Variants in AXL observed in about 807,000 individuals in gnomAD.
The protein encoded by AXL is tyrosine-protein kinase receptor UFO.
Under a neutral mutation model 104.5 loss-of-function variants are expected in AXL, and 52 were observed. That is an observed-to-expected ratio of 0.50 (90% CI 0.40 to 0.63). The LOEUF (loss-of-function observed/expected upper bound fraction) is 0.63. Among genes scored for constraint, AXL ranks in the 20% least tolerant of loss-of-function variants. The probability of loss-of-function intolerance (pLI) is 0.00; values close to 1 mark genes in which losing one functional copy is unlikely to be tolerated. For missense variants in AXL, 1,024 were observed against 1,188.5 expected, an observed-to-expected ratio of 0.86 and a Z score of 2.04; for synonymous variants, 455 against 473.7, an observed-to-expected ratio of 0.96 and a Z score of 0.51.
chr19:41,259,836 A>G lies in AXL; in HGVS notation c.2617A>G (p.Thr873Ala). 6.2e-7 allele frequency: 1 copy of G among 1,612,592 alleles called. No individual in the cohort carries two copies. Among genetic ancestry groups the G allele is most frequent in the South Asian group, 1.1e-5 (1 of 90,932 alleles). Residue 873 changes from threonine to alanine, a missense_variant, in exon 20 of 20, where the codon ACC (threonine) becomes GCC (alanine). Thr to Ala is a moderately conservative substitution (Grantham distance 58). Around this residue, in one of 5 missense-constraint regions of AXL, gnomAD observed 523 missense variants for 636.0 expected, o/e 0.82. Coordinates refer to ENST00000301178, the MANE Select transcript of AXL (RefSeq NM_021913.5). Reference protein sequence around the residue: ...AGRYVLCPSTTPSPAQPADRG... With the variant: ...AGRYVLCPSTAPSPAQPADRG... ...ACGCTATGTCCTCTGCCCTTCCACA[A>G]CCCCTAGCCCCGCTCAGCCTGCTGA...
At chr19:41,257,698 C>T in intron 19 of AXL, 69 bp downstream of exon 19, 2 of 1,590,412 alleles carry the variant, frequency 1.3e-6, no homozygotes, top group Non-Finnish European at 1.7e-6. Flanking sequence ...AGATGGCCCT[C>T]ACAGGTCCAG....
chr19:41,259,845 C>A lies in AXL; in HGVS notation c.2626C>A (p.Pro876Thr), dbSNP rs200112365. ...CCTCTGCCCTTCCACAACCCCTAGC[C>A]CCGCTCAGCCTGCTGATAGGGGCTC... ...YVLCPSTTPS[P>T]AQPADRGSPA... Residue 876 changes from proline (P) to threonine (T), a missense_variant, in exon 20 of 20, where the codon CCC becomes ACC. By Grantham distance (38) the Pro-to-Thr change is conservative. Coordinates refer to ENST00000301178, the MANE Select transcript of AXL (RefSeq NM_021913.5). 6.2e-7 allele frequency: 1 copy of A among 1,610,952 alleles called. No homozygotes were observed. Among genetic ancestry groups the A allele is most frequent in the African/African-American group, 1.3e-5 (1 of 74,984 alleles).
rs1245638131 is a variant in AXL at position 41,257,554 on chromosome 19, T to G, written c.2258T>G (p.Val753Gly). Residue 753 changes from valine (V) to glycine (G), a missense_variant, in exon 19 of 20, where the codon GTG becomes GGG. By Grantham distance (109) the Val-to-Gly change is moderately radical. Around this residue, in one of 5 missense-constraint regions of AXL, gnomAD observed 523 missense variants for 636.0 expected, o/e 0.82. Transcript: ENST00000301178. The stretch of plus-strand genomic sequence containing the variant: ...AGAGGCCAAACCCCATATCCGGGCG[T>G]GGAGAACAGCGAGATTTATGACTAT... ...ATRGQTPYPG[V>G]ENSEIYDYLR... is the part of the protein sequence containing the mutation. 6.2e-7 allele frequency: 1 copy of G among 1,614,122 alleles called. No individual in the cohort carries two copies. Among genetic ancestry groups the G allele is most frequent in the Admixed American group, 1.7e-5 (1 of 60,010 alleles).
chr19:41,254,640 C>A (rs2034425538), intron 17 of AXL, among the ~76,000 whole-genome samples: 4 of 151,280 alleles, frequency 2.6e-5, no homozygotes, highest in African/African-American at 9.7e-5. Context: ...TAGTCTTGGC[C>A]AGGCGCAGTG....
intron 4 of AXL, among the ~76,000 whole-genome samples, chr19:41,226,083 G>A (rs1230554387): frequency 3.3e-5 from 5 of 152,202 alleles, no homozygotes; most frequent in Non-Finnish European, 1.5e-5. Context: ...AGTTCCTCCT[G>A]TCCCCTTCAC....
At position 41,222,024 on chromosome 19, in the gene AXL, G is replaced by A. The variant is rs1176910414; in HGVS notation, c.554G>A (p.Gly185Asp). The change falls in exon 4 of 20, where the codon GGT (glycine) becomes GAT (aspartate). Residue 185 changes from glycine (G) to aspartate (D), a missense_variant. By Grantham distance (94) the Gly-to-Asp change is moderately conservative. Around this residue, in one of 5 missense-constraint regions of AXL, gnomAD observed 332 missense variants for 343.9 expected, o/e 0.97. Transcript: ENST00000301178. ...GCTGTCCCCCTGGCCACGGCTCCAGGTCACGGCCCCCAGCGCAGCCTGCAT... is the reference window on the plus strand; with the variant it reads ...GCTGTCCCCCTGGCCACGGCTCCAGATCACGGCCCCCAGCGCAGCCTGCAT... The part of the protein sequence containing the change: ...QDAVPLATAP[G>D]HGPQRSLHVP... 5 of 1,597,420 alleles carry A rather than the reference G, an allele frequency of 3.1e-6. No homozygotes were observed. The highest frequency in any genetic ancestry group is 1.3e-5 in the African/African-American group (1 of 74,408).
chr19:41,225,040 G>A (rs1215864848), intron 4 of AXL, among the ~76,000 whole-genome samples: 1 of 152,182 alleles, frequency 6.6e-6, no homozygotes, highest in African/African-American at 2.4e-5. Context: ...GTCTCACTCT[G>A]TCACCCAAGC....
chr19:41,229,543 T>C (rs1415916900), intron 4 of AXL, among the ~76,000 whole-genome samples: 3 of 152,150 alleles, frequency 2.0e-5, no homozygotes. Context: ...GGGATTACAG[T>C]CATGAGTCAC....
At chr19:41,223,558 C>G (rs1314918295) in intron 4 of AXL, among the ~76,000 whole-genome samples, 1 of 152,150 alleles carries the variant, frequency 6.6e-6, no homozygotes, top group Non-Finnish European at 1.5e-5. Flanking sequence ...TCCCGCACTC[C>G]CAACCTGCTG....
rs752267513 is a variant in AXL at position 41,239,771 on chromosome 19, G to T, written c.1312+51G>T. 7.5e-6 allele frequency: 12 copies of T among 1,602,998 alleles called. No individual in the cohort carries two copies. The South Asian group carries it at 1.2e-4, about 16-fold the overall frequency. On this transcript the variant is annotated intron_variant, in intron 10 of 19. Transcript: ENST00000301178. The stretch of plus-strand genomic sequence containing the variant: ...TCCTTCCCTACCCTCAACACCTAGT[G>T]GGGGCACTGTCACCATGCATACTCA...
chr19:41,238,408 G>A, intron 7 of AXL, 62 bp from the exon 8 acceptor site: 1 of 1,581,244 alleles, frequency 6.3e-7, no homozygotes, highest in South Asian at 1.1e-5. Flanking sequence ...CACTTCCTGG[G>A]AACAGGGGAG....
At chr19:41,229,358 G>A (rs927904542) in intron 4 of AXL, among the ~76,000 whole-genome samples, 18 of 151,986 alleles carry the variant, frequency 1.2e-4, no homozygotes, top group Non-Finnish European at 2.2e-4. Context: ...CCACCTCCCC[G>A]GGCACAGGTA....
At chr19:41,233,462 G>A (rs2034027860) in intron 6 of AXL, among the ~76,000 whole-genome samples, 1 of 151,234 alleles carries the variant, frequency 6.6e-6, no homozygotes, top group African/African-American at 2.4e-5. Flanking sequence ...AGGCAGGTCT[G>A]TACAAAAAAT....
At position 41,260,297 on chromosome 19, in the gene AXL, A is replaced by ATTTTTTT. The variant is rs2034517364; in HGVS notation, c.*393_*394insTTTTTTT. 2 of 69,326 alleles carry ATTTTTTT rather than the reference A, an allele frequency of 2.9e-5. No individual in the cohort carries two copies. The highest frequency in any genetic ancestry group is 9.7e-5 in the African/African-American group (1 of 10,292). The allele number at this position is 69,326 out of a possible 1,614,324, so 4.3% of individuals were successfully genotyped here. On this transcript the variant is annotated 3_prime_UTR_variant, in exon 20 of 20. Transcript: ENST00000301178. ...TTAAAGTGCTAAGGTTCTAAGGCCT[A>ATTTTTTT]CTTTTTTTTTTTTTTTTTTTTTTTT...
At chr19:41,239,055 G>T (rs930308297) in intron 8 of AXL, 109 bp from the exon 9 acceptor site, 22 of 1,283,916 alleles carry the variant, frequency 1.7e-5, no homozygotes, top group Admixed American at 8.5e-5. Flanking sequence ...TGAGGAGTTG[G>T]AGGATGGGGA....
At position 41,260,812 on chromosome 19, in the gene AXL, T is replaced by C. The variant is rs2034528424; in HGVS notation, c.*908T>C. 6.6e-6 allele frequency: 1 copy of C among 152,312 alleles called. No individual in the cohort carries two copies. Among genetic ancestry groups the C allele is most frequent in the Admixed American group, 6.5e-5 (1 of 15,286 alleles). The allele number at this position is 152,312 out of a possible 1,614,324, so 9.4% of individuals were successfully genotyped here. ...AAGATTATAGATTCTAAAGATTCTA[T>C]AGTTCTAGACATGGAGGTTCTAAGG... On this transcript the variant is annotated 3_prime_UTR_variant, in exon 20 of 20. Transcript: ENST00000301178.
chr19:41,234,707 C>G (rs1476077391), intron 6 of AXL, among the ~76,000 whole-genome samples: 1 of 152,192 alleles, frequency 6.6e-6, no homozygotes, highest in African/African-American at 2.4e-5. Flanking sequence ...GAAGTTAAGA[C>G]ACTCACTCTA....
In AXL at chr19:41,261,333, C is replaced by T. The variant is rs993614941; in HGVS notation, c.*1429C>T. On this transcript the variant is annotated 3_prime_UTR_variant, in exon 20 of 20. Transcript: ENST00000301178. ...TCTAATAATTTCTAATGTTGGACAC[C>T]TTTAGGTTCTTTGCTGCATTCTGCC... 1 of 152,620 alleles carries T rather than the reference C, an allele frequency of 6.6e-6. No homozygotes were observed. Among genetic ancestry groups the T allele is most frequent in the Non-Finnish European group, 1.5e-5 (1 of 68,048 alleles). The allele number at this position is 152,620 out of a possible 1,614,324, so 9.5% of individuals were successfully genotyped here.
intron 12 of AXL, among the ~76,000 whole-genome samples, chr19:41,245,276 A>T (rs957562403): frequency 6.6e-6 from 1 of 152,196 alleles, no homozygotes; most frequent in African/African-American, 2.4e-5. Flanking sequence ...TGGTAGAGAG[A>T]TAGAATCGAT....
Sources: gnomAD v4.1 joint callset for allele counts (sites outside exome capture counted in the v4.1 genomes callset) on GRCh38, gnomAD v4.1.1 for gene constraint, gnomAD v4.1.1 regional missense constraint, MANE v1.5 for transcripts, NCBI Gene and HGNC (gene_info 2026-07-23, HGNC 2026-07-21) for gene names.